The following STPG2 variants were observed in gnomAD, a reference collection of about 807,000 sequenced individuals.
The protein encoded by STPG2 is sperm-tail PG-rich repeat-containing protein 2.
Under a neutral mutation model 54.2 loss-of-function variants are expected in STPG2, and 56 were observed. That is an observed-to-expected ratio of 1.03 (90% CI 0.83 to 1.29). STPG2 has a LOEUF of 1.29. Among genes scored for constraint, STPG2 ranks in the 50% most tolerant of loss-of-function variants. The pLI is 0.00. For synonymous variants in STPG2, 200 were observed against 181.8 expected, an observed-to-expected ratio of 1.10 and a Z score of -0.81; for missense variants, 596 against 544.9, an observed-to-expected ratio of 1.09 and a Z score of -0.93.
intron 8 of STPG2, among the ~76,000 whole-genome samples, chr4:97,933,132 T>C (rs1013761113): frequency 1.3e-5 from 2 of 152,242 alleles, no homozygotes; most frequent in Non-Finnish European, 2.9e-5. Flanking sequence ...TGTTGAGCTT[T>C]TTTTCATTTG....
chr4:97,605,819 GA>G (rs148109387), intron 10 of STPG2, among the ~76,000 whole-genome samples: 34 of 145,280 alleles, frequency 2.3e-4, no homozygotes, highest in Middle Eastern at 7.2e-3. Flanking sequence ...ACAAAAAAAA[GA>G]AAAAAAAAAT....
chr4:98,078,867 AT>A (rs1738253193), intron 5 of STPG2, among the ~76,000 whole-genome samples: 1 of 152,186 alleles, frequency 6.6e-6, no homozygotes, highest in Non-Finnish European at 1.5e-5. Context: ...TAAATTTGGA[AT>A]TTAATATCAT....
At chr4:97,645,428 G>C (rs1372413783) in intron 10 of STPG2, among the ~76,000 whole-genome samples, 3 of 152,070 alleles carry the variant, frequency 2.0e-5, no homozygotes, top group African/African-American at 7.2e-5. Flanking sequence ...TATCAAGAAG[G>C]CTTTTTATTT....
chr4:97,994,619 G>A (rs1386929309), intron 5 of STPG2, among the ~76,000 whole-genome samples: 3 of 152,108 alleles, frequency 2.0e-5, no homozygotes, highest in Non-Finnish European at 4.4e-5. Flanking sequence ...CTCCAGGCTG[G>A]TACAGGGGAG....
At chr4:97,976,288 G>A (rs962525443) in intron 6 of STPG2, among the ~76,000 whole-genome samples, 3 of 152,082 alleles carry the variant, frequency 2.0e-5, no homozygotes, top group Admixed American at 1.3e-4. Context: ...AACTATTTGA[G>A]CCACCACTTA....
chr4:97,806,052 G>A (rs557442963), intron 9 of STPG2, among the ~76,000 whole-genome samples: 1 of 152,050 alleles, frequency 6.6e-6, no homozygotes, highest in South Asian at 2.1e-4. Flanking sequence ...TACATGCACT[G>A]GTATGTTCAA....
chr4:97,967,832 C>T (rs894901687), intron 7 of STPG2, among the ~76,000 whole-genome samples: 2 of 152,204 alleles, frequency 1.3e-5, no homozygotes, highest in Middle Eastern at 6.8e-3. Context: ...ACACAACATA[C>T]CAGAATCTCT....
intron 10 of STPG2, among the ~76,000 whole-genome samples, chr4:97,636,326 G>A (rs2148939374): frequency 7.0e-6 from 1 of 143,546 alleles, no homozygotes; most frequent in Admixed American, 7.2e-5. Context: ...AGAATCTCTG[G>A]GACACATTCA....
Position 97,964,465 on chromosome 4 carries a change from T to TA in STPG2, c.933+7814dup, listed in dbSNP as rs527519735. ...CACACAGAGAATTGTCTCTTAATGA[T>TA]AAAAAAAGAATAAAAATAGATGTTT... On this transcript the variant is annotated intron_variant, in intron 7 of 10. Transcript: ENST00000295268. Among the ~76,000 whole-genome samples, 712 of 152,070 alleles carry TA rather than the reference T, an allele frequency of 4.7e-3. 3 individuals are homozygous for TA. The highest frequency in any genetic ancestry group is 0.024 in the South Asian group (115 of 4,822).
intron 8 of STPG2, among the ~76,000 whole-genome samples, chr4:97,893,373 T>C (rs1359241934): frequency 4.6e-5 from 7 of 152,138 alleles, no homozygotes; most frequent in African/African-American, 7.2e-5. Flanking sequence ...TAATCAAATA[T>C]AGATTTCATT....
chr4:97,902,070 CAATA>C (rs1419553769), intron 8 of STPG2, among the ~76,000 whole-genome samples: 2 of 152,096 alleles, frequency 1.3e-5, no homozygotes, highest in South Asian at 4.1e-4. Flanking sequence ...ATATTCTCTT[CAATA>C]AATAGTCTTG....
rs1439455693 is a variant in STPG2 at position 97,812,156 on chromosome 4, TA to T, written c.1204+28616del. Among the ~76,000 whole-genome samples, 5 of 152,198 alleles carry T rather than the reference TA, an allele frequency of 3.3e-5. No individual in the cohort carries two copies. The East Asian group carries it at 9.6e-4, about 29-fold the overall frequency. On this transcript the variant is annotated intron_variant, in intron 9 of 10. Coordinates refer to ENST00000295268, the MANE Select transcript of STPG2 (RefSeq NM_174952.3). ...ATAAATACTAATTTATTTCTAACCA[TA>T]ACATAGTGATAATTAAGAATGCAGA...
intron 4 of STPG2, among the ~76,000 whole-genome samples, chr4:97,488,032 C>T (rs924134216): frequency 2.0e-5 from 3 of 151,544 alleles, no homozygotes; most frequent in Non-Finnish European, 1.5e-5. Flanking sequence ...TCCATCCCCT[C>T]CCCTCTTTCC....
chr4:97,954,216 A>T (rs1369107377), intron 7 of STPG2, among the ~76,000 whole-genome samples: 3 of 152,154 alleles, frequency 2.0e-5, no homozygotes, highest in Admixed American at 6.5e-5. Context: ...ATGTAACAAG[A>T]TCCTATTTTT....
intron 5 of STPG2, among the ~76,000 whole-genome samples, chr4:97,983,963 C>T: frequency 6.6e-6 from 1 of 151,988 alleles, no homozygotes; most frequent in Non-Finnish European, 1.5e-5. Flanking sequence ...AATTCAAATC[C>T]ATCCCACAAG....
Position 97,712,505 on chromosome 4 carries a change from A to C in STPG2, c.1320+194T>G, listed in dbSNP as rs149981460. 3.5e-3 allele frequency among the ~76,000 whole-genome samples: 533 copies of C among 152,278 alleles called. 4 individuals carry two copies. Among genetic ancestry groups the C allele is most frequent in the African/African-American group, 0.013 (523 of 41,574 alleles). Reference sequence around the variant, plus strand: ...ATTTAGAGATAGAAAAGTTGTTTAAATAATTCTTAAATTCTTAAATAATTC... The same window carrying C: ...ATTTAGAGATAGAAAAGTTGTTTAACTAATTCTTAAATTCTTAAATAATTC... On this transcript the variant is annotated intron_variant, in intron 10 of 10. Transcript: ENST00000295268.
At chr4:97,925,179 T>A (rs1416232089) in intron 8 of STPG2, among the ~76,000 whole-genome samples, 1 of 152,210 alleles carries the variant, frequency 6.6e-6, no homozygotes, top group Non-Finnish European at 1.5e-5. Flanking sequence ...TGAATTGCAT[T>A]CTCTTCACAA....
At chr4:97,918,349 G>C (rs1212175224) in intron 8 of STPG2, among the ~76,000 whole-genome samples, 1 of 152,038 alleles carries the variant, frequency 6.6e-6, no homozygotes. Context: ...TACAGAGAAA[G>C]CCAGCACAGG....
intron 9 of STPG2, among the ~76,000 whole-genome samples, chr4:97,756,873 T>G (rs1257713140): frequency 2.6e-5 from 4 of 152,214 alleles, no homozygotes; most frequent in Admixed American, 2.6e-4. Context: ...TAAATTTCTA[T>G]GTGCTCATCA....
Sources: gnomAD v4.1 joint callset for allele counts (sites outside exome capture counted in the v4.1 genomes callset) on GRCh38, gnomAD v4.1.1 for gene constraint, MANE v1.5 for transcripts, NCBI Gene and HGNC (gene_info 2026-07-23, HGNC 2026-07-21) for gene names.